The following STXBP3 variants were observed in gnomAD, a reference collection of about 807,000 sequenced individuals.
STXBP3 encodes the protein syntaxin-binding protein 3.
Under a neutral mutation model 85.7 loss-of-function variants are expected in STXBP3, and 41 were observed. The observed-to-expected ratio is 0.48, with a 90% CI of 0.37 to 0.62. The LOEUF is 0.62. Ranked by LOEUF, STXBP3 falls within the 20% of genes least tolerant of loss-of-function variation. The pLI is 0.00. For synonymous variants in STXBP3, 229 were observed against 231.7 expected (o/e 0.99, Z 0.10); for missense variants, 563 against 703.1 (o/e 0.80, Z 2.25).
intron 6 of STXBP3, among the ~76,000 whole-genome samples, chr1:108,765,591 T>TTTTTTTTTTGTTTTTTTTC (rs796642937): frequency 8.2e-6 from 1 of 122,654 alleles, no homozygotes; most frequent in Non-Finnish European, 1.7e-5. Flanking sequence ...TTTTTTTTTT[T>TTTTTTTTTTGTTTTTTTTC]TGAGACGGAG....
chr1:108,748,083 A>G (rs1661830062), intron 1 of STXBP3, among the ~76,000 whole-genome samples: 1 of 151,906 alleles, frequency 6.6e-6, no homozygotes, highest in Non-Finnish European at 1.5e-5. Flanking sequence ...AGATAAAGAC[A>G]TTGTTTTTAT....
At chr1:108,801,352 C>T (rs1295431689) in intron 17 of STXBP3, among the ~76,000 whole-genome samples, 1 of 152,034 alleles carries the variant, frequency 6.6e-6, no homozygotes. Flanking sequence ...GAAAATTGGA[C>T]CTTTTAGATA....
Position 108,782,379 on chromosome 1 carries a change from G to A in STXBP3, c.810-43G>A, listed in dbSNP as rs747647723. 1.8e-4 allele frequency: 252 copies of A among 1,395,372 alleles called. 3 individuals carry two copies. In the Middle Eastern group the frequency reaches 3.0e-3, roughly 17 times the overall value. 86.4% of individuals were successfully genotyped at this position (1,395,372 alleles called of 1,614,324 possible). A position where few individuals can be genotyped will look rare whatever the true frequency, so the allele number is the denominator to read the frequency against. On this transcript the variant is annotated intron_variant, in intron 9 of 18. Transcript: ENST00000370008. ...TAAAAATGTTTCTTTTGATTTTGGA[G>A]GGAAAAAAATCAAAAAGTTTTAGTG...
In STXBP3 at chr1:108,753,885, A is replaced by G. The variant is rs1382398554; in HGVS notation, c.181+741A>G. On this transcript the variant is annotated intron_variant, in intron 3 of 18. Transcript: ENST00000370008. ...AATGAGGAATCTGAGGCTCCAAGTG[A>G]AATATAATTCATTTATATTTTGGAT... 5.3e-5 allele frequency among the ~76,000 whole-genome samples: 8 copies of G among 152,256 alleles called. No homozygotes were observed. In the East Asian group the frequency reaches 1.2e-3, roughly 22 times the overall value.
At chr1:108,778,279 G>T (rs886507371) in intron 8 of STXBP3, among the ~76,000 whole-genome samples, 2 of 152,098 alleles carry the variant, frequency 1.3e-5, no homozygotes, top group African/African-American at 2.4e-5. Context: ...CTAATCCAAA[G>T]AATTTATTAC....
chr1:108,765,591 T>C (rs3006873), intron 6 of STXBP3, among the ~76,000 whole-genome samples: 368 of 122,076 alleles, frequency 3.0e-3, no homozygotes, highest in South Asian at 4.5e-3. Context: ...TTTTTTTTTT[T>C]TGAGACGGAG....
intron 6 of STXBP3, among the ~76,000 whole-genome samples, chr1:108,769,787 C>A (rs987630420): frequency 6.6e-6 from 1 of 152,086 alleles, no homozygotes; most frequent in Non-Finnish European, 1.5e-5. Context: ...GGTAGGAACC[C>A]CCCAGATCTC....
intron 8 of STXBP3, among the ~76,000 whole-genome samples, chr1:108,778,471 G>T (rs1360063772): frequency 4.6e-5 from 7 of 152,174 alleles, no homozygotes; most frequent in Admixed American, 4.6e-4. Flanking sequence ...GAGCACAGAT[G>T]TTGGAGCAAA....
At chr1:108,770,249 C>T (rs187259217) in intron 6 of STXBP3, among the ~76,000 whole-genome samples, 1 of 152,212 alleles carries the variant, frequency 6.6e-6, no homozygotes, top group Admixed American at 6.5e-5. Context: ...CAGCCATAAC[C>T]ATGCCACTGC....
At chr1:108,799,227 TAAAC>T in intron 16 of STXBP3, among the ~76,000 whole-genome samples, 1 of 152,218 alleles carries the variant, frequency 6.6e-6, no homozygotes, top group East Asian at 1.9e-4. Flanking sequence ...CACACATGCT[TAAAC>T]ATATATGAAA....
At chr1:108,764,772 A>G (rs1407374268) in intron 6 of STXBP3, among the ~76,000 whole-genome samples, 2 of 152,148 alleles carry the variant, frequency 1.3e-5, no homozygotes, top group Non-Finnish European at 2.9e-5. Flanking sequence ...TAGATGCTGA[A>G]TATTAGACCT....
intron 18 of STXBP3, 27 bp downstream of exon 18, chr1:108,807,576 GT>G (rs375887364): frequency 0.099 from 128,403 of 1,296,686 alleles, 3 homozygotes; most frequent in Middle Eastern, 0.17. Context: ...CTTCTTTTCT[GT>G]TTTTTTTTTT....
At chr1:108,777,625 T>C (rs1332533919) in intron 8 of STXBP3, among the ~76,000 whole-genome samples, 1 of 152,194 alleles carries the variant, frequency 6.6e-6, no homozygotes. Flanking sequence ...TAGTCCTTCA[T>C]GTTTTCAGTG....
chr1:108,784,040 G>C (rs1570765311), intron 11 of STXBP3, among the ~76,000 whole-genome samples: 1 of 152,010 alleles, frequency 6.6e-6, no homozygotes, highest in African/African-American at 2.4e-5. Flanking sequence ...TCCTATACAT[G>C]TATTTATGTA....
In STXBP3 at chr1:108,771,589, T is replaced by G. The variant is rs1337808801; in HGVS notation, c.439-1076T>G. 2.9e-4 allele frequency among the ~76,000 whole-genome samples: 22 copies of G among 75,216 alleles called. 6 individuals are homozygous for G. The highest frequency in any genetic ancestry group is 1.3e-3 in the African/African-American group (22 of 17,086). 49.3% of individuals were successfully genotyped at this position (75,216 alleles called of 152,430 possible). ...TAAATATATATGATATATATCTATA[T>G]ATATCATATATAAATATATATGATA... On this transcript the variant is annotated intron_variant, in intron 6 of 18. Transcript: ENST00000370008.
intron 15 of STXBP3, among the ~76,000 whole-genome samples, chr1:108,797,191 C>CA (rs1358789540): frequency 1.3e-5 from 2 of 151,354 alleles, no homozygotes; most frequent in African/African-American, 4.9e-5. Flanking sequence ...CTCGCCTCTA[C>CA]AAAAAACAAA....
At chr1:108,808,206 G>A (rs1270624843) in intron 18 of STXBP3, among the ~76,000 whole-genome samples, 1 of 152,154 alleles carries the variant, frequency 6.6e-6, no homozygotes, top group East Asian at 1.9e-4. Context: ...CAAGGCCTGT[G>A]TGGAATTAAG....
At chr1:108,779,144 ATTTGT>A in intron 8 of STXBP3, 137 bp from the exon 9 acceptor site, 1 of 823,208 alleles carries the variant, frequency 1.2e-6, no homozygotes. Context: ...ACAATTAACC[ATTTGT>A]TTTGTTCTGT....
intron 17 of STXBP3, 78 bp from the exon 18 acceptor site, chr1:108,807,323 C>G: frequency 7.5e-7 from 1 of 1,325,946 alleles, no homozygotes; most frequent in Non-Finnish European, 1.0e-6. Context: ...TTGAGTTAGG[C>G]TTTTTAAGTC....
Sources: gnomAD v4.1 joint callset for allele counts (sites outside exome capture counted in the v4.1 genomes callset) on GRCh38, gnomAD v4.1.1 for gene constraint, MANE v1.5 for transcripts, NCBI Gene and HGNC (gene_info 2026-07-23, HGNC 2026-07-21) for gene names.